The following MED24 variants were observed in gnomAD, a reference collection of about 807,000 sequenced individuals.
MED24 encodes the protein mediator complex subunit 24.
MED24 carries 74 observed loss-of-function variants against 118.8 expected under a neutral mutation model. That is an observed-to-expected ratio of 0.62 (90% CI 0.52 to 0.76). MED24 has a LOEUF of 0.76. MED24 is among the 30% of genes least tolerant of loss of function. The pLI is 0.00. For synonymous variants in MED24, 521 were observed against 523.9 expected (o/e 0.99, Z 0.08); for missense variants, 1,041 against 1,278.9 (o/e 0.81, Z 2.84).
Position 40,020,316 on chromosome 17 carries a change from C to T in MED24, c.2661G>A (p.Gln887=), listed in dbSNP as rs1270088656. The change falls in exon 24 of 26, where the codon CAG becomes CAA. Residue 887 remains glutamine, a synonymous_variant. Coordinates refer to ENST00000394128, the MANE Select transcript of MED24 (RefSeq NM_014815.4). The part of the protein sequence containing the change: ...RSMSSSLSAS[Q]LHTVNMRDPL... Reference sequence around the variant, plus strand: ...GGTCCCGCATGTTGACCGTGTGGAGCTGAGAGGCTGAGAGGGAGCTGCTCA... The same window carrying T: ...GGTCCCGCATGTTGACCGTGTGGAGTTGAGAGGCTGAGAGGGAGCTGCTCA... 3.8e-6 allele frequency: 6 copies of T among 1,592,954 alleles called. No individual in the cohort carries two copies. The highest frequency in any genetic ancestry group is 5.1e-6 in the Non-Finnish European group (6 of 1,169,886).
chr17:40,030,949 T>G lies in MED24; in HGVS notation c.1154+210A>C, dbSNP rs147176880. Among the ~76,000 whole-genome samples, 137 of 152,242 alleles carry G rather than the reference T, an allele frequency of 9.0e-4. 1 individual carries two copies. The highest frequency in any genetic ancestry group is 2.8e-3 in the African/African-American group (117 of 41,546). Reference sequence around the variant, plus strand: ...TTTACTTTTATCACAAAGATGGGTATGAGTTAAAGAGCAGTGACTAAGAGT... The same window carrying G: ...TTTACTTTTATCACAAAGATGGGTAGGAGTTAAAGAGCAGTGACTAAGAGT... On this transcript the variant is annotated intron_variant, in intron 12 of 25. Coordinates refer to ENST00000394128, the MANE Select transcript of MED24 (RefSeq NM_014815.4).
At chr17:40,032,310 G>A (rs1279012719) in intron 9 of MED24, 3 of 590,052 alleles carry the variant, frequency 5.1e-6, no homozygotes, top group Middle Eastern at 4.5e-4. Context: ...CTGCACCTCC[G>A]CTAGCTCAAC....
intron 3 of MED24, among the ~76,000 whole-genome samples, chr17:40,041,724 C>T (rs1984585261): frequency 6.6e-6 from 1 of 152,214 alleles, no homozygotes; most frequent in Non-Finnish European, 1.5e-5. Flanking sequence ...CCCTTCTCCT[C>T]TCTCACTCTG....
At chr17:40,031,797 C>T (rs1258939415) in intron 10 of MED24, among the ~76,000 whole-genome samples, 177 bp from the exon 11 acceptor site, 2 of 152,144 alleles carry the variant, frequency 1.3e-5, no homozygotes, top group South Asian at 2.1e-4. Flanking sequence ...CTGAAGCACA[C>T]GTACACGCTG....
At position 40,032,672 on chromosome 17, in the gene MED24, A is replaced by G; in HGVS notation, c.913T>C (p.Trp305Arg). 1 of 1,613,954 alleles carries G rather than the reference A, an allele frequency of 6.2e-7. No homozygotes were observed. The highest frequency in any genetic ancestry group is 1.1e-5 in the South Asian group (1 of 91,078). The part of the protein sequence containing the change: ...ESPEGTEELK[W>R]TAFTFLKIPQ... ...ACCTTGAGGAAAGTGAAAGCTGTCC[A>G]CTTGAGCTCCTCCGTACCCTCGGGA... The change falls in exon 9 of 26, where the codon TGG (tryptophan) becomes CGG (arginine). Residue 305 changes from tryptophan to arginine, a missense_variant. By Grantham distance (101) the Trp-to-Arg change is moderately radical. Coordinates refer to ENST00000394128, the MANE Select transcript of MED24 (RefSeq NM_014815.4).
Position 40,026,154 on chromosome 17 carries a change from A to C in MED24, c.1985+2T>G, listed in dbSNP as rs1037739152. On this transcript the variant is annotated splice_donor_variant, in intron 19 of 25. Coordinates refer to ENST00000394128, the MANE Select transcript of MED24 (RefSeq NM_014815.4). LOFTEE classifies it high-confidence loss of function. ...TCTGAGAAGGGAAGGCAGGTTACCG[A>C]CCTCTCATTGTAGAACTGCAGGGTG... The C allele has an allele frequency of 6.2e-7, 1 of 1,611,098 alleles. No homozygotes were observed. Among genetic ancestry groups the C allele is most frequent in the South Asian group, 1.1e-5 (1 of 90,976 alleles).
At chr17:40,024,056 T>C (rs990801077) in intron 19 of MED24, among the ~76,000 whole-genome samples, 2 of 152,068 alleles carry the variant, frequency 1.3e-5, no homozygotes, top group African/African-American at 4.8e-5. Flanking sequence ...CTTACCCAGA[T>C]AGGATTTAGG....
chr17:40,035,292 G>C lies in MED24; in HGVS notation c.384C>G (p.Leu128=). The C allele has an allele frequency of 3.7e-6, 6 of 1,612,426 alleles. No individual in the cohort carries two copies. Among genetic ancestry groups the C allele is most frequent in the Non-Finnish European group, 5.1e-6 (6 of 1,178,698 alleles). Reference sequence around the variant, plus strand: ...CTGCCGTGCAGCGCAGCAGCCAGTGGAGGGCGCTAAGAAGGGCTCGGCACA... The same window carrying C: ...CTGCCGTGCAGCGCAGCAGCCAGTGCAGGGCGCTAAGAAGGGCTCGGCACA... ...IGLCRALLSA[L]HWLLRCTAAS... The change falls in exon 6 of 26, where the codon CTC becomes CTG. Residue 128 remains leucine (L), a synonymous_variant. Coordinates refer to ENST00000394128, the MANE Select transcript of MED24 (RefSeq NM_014815.4).
At chr17:40,028,114 G>GT (rs373788946) in intron 14 of MED24, 168 bp from the exon 15 acceptor site, 20,608 of 562,730 alleles carry the variant, frequency 0.037, 60 homozygotes, top group African/African-American at 0.06. Context: ...TTTGTTTTTT[G>GT]TTTTTTTTTT....
intron 3 of MED24, 82 bp from the exon 4 acceptor site, chr17:40,036,236 T>C (rs1983916655): frequency 7.0e-7 from 1 of 1,427,776 alleles, no homozygotes; most frequent in Non-Finnish European, 9.8e-7. Context: ...TTCAAGTTGC[T>C]GCAGCTCTCC....
At position 40,019,647 on chromosome 17, in the gene MED24, T is replaced by C. The variant is rs767716295; in HGVS notation, c.2854-2A>G. 64 of 1,589,068 alleles carry C rather than the reference T, an allele frequency of 4.0e-5. No individual in the cohort carries two copies. Among genetic ancestry groups the C allele is most frequent in the Non-Finnish European group, 5.2e-5 (60 of 1,163,876 alleles). On this transcript the variant is annotated splice_acceptor_variant, in intron 25 of 25. Coordinates refer to ENST00000394128, the MANE Select transcript of MED24 (RefSeq NM_014815.4). LOFTEE classifies it high-confidence loss of function. ...TGACACCTTCACCAGTTCCGACACCTGCCACGGACAGACAGATGCTGCTTG... is the reference window on the plus strand; with the variant it reads ...TGACACCTTCACCAGTTCCGACACCCGCCACGGACAGACAGATGCTGCTTG...
intron 3 of MED24, among the ~76,000 whole-genome samples, chr17:40,051,624 C>T (rs1176380366): frequency 6.7e-6 from 1 of 149,060 alleles, no homozygotes; most frequent in Non-Finnish European, 1.5e-5. Flanking sequence ...ATCAATCAAT[C>T]AATCAATAAA....
chr17:40,053,716 G>T (rs764953024), intron 1 of MED24, 81 bp from the exon 2 acceptor site: 2 of 1,547,372 alleles, frequency 1.3e-6, no homozygotes, highest in South Asian at 2.2e-5. Flanking sequence ...TAAATAGAAA[G>T]GAGAAGATGC....
intron 3 of MED24, among the ~76,000 whole-genome samples, chr17:40,051,184 G>A (rs113440176): frequency 6.4e-4 from 97 of 151,454 alleles, no homozygotes; most frequent in African/African-American, 2.2e-3. Context: ...GGTGGTGGGC[G>A]CCTGTAATCC....
At chr17:40,051,655 G>A (rs935277966) in intron 3 of MED24, among the ~76,000 whole-genome samples, 1 of 152,022 alleles carries the variant, frequency 6.6e-6, no homozygotes, top group Non-Finnish European at 1.5e-5. Flanking sequence ...GGGCGTGGTG[G>A]CTCATGCCTG....
intron 3 of MED24, among the ~76,000 whole-genome samples, chr17:40,040,925 C>T (rs1032660255): frequency 2.0e-5 from 3 of 151,652 alleles, no homozygotes; most frequent in African/African-American, 7.3e-5. Context: ...TTTAATTTTA[C>T]TTTTTTAGTA....
chr17:40,022,309 C>T (rs1982116035), intron 22 of MED24, 85 bp downstream of exon 22: 1 of 1,401,612 alleles, frequency 7.1e-7, no homozygotes, highest in South Asian at 1.3e-5. Flanking sequence ...GCCACAACTG[C>T]TTCCCTTTGC....
chr17:40,048,067 T>C (rs12601251), intron 3 of MED24, among the ~76,000 whole-genome samples: 3,431 of 152,386 alleles, frequency 0.023, 302 homozygotes, highest in Admixed American at 0.16. Context: ...AATTAAAATA[T>C]GTATATTTTT....
chr17:40,026,076 G>C (rs1982611793), intron 19 of MED24, 80 bp downstream of exon 19: 1 of 1,451,550 alleles, frequency 6.9e-7, no homozygotes, highest in Non-Finnish European at 9.5e-7. Context: ...GGTCAGAAAA[G>C]AGAGGGGTGC....
Sources: allele counts gnomAD v4.1 joint callset (sites outside exome capture counted in the v4.1 genomes callset), GRCh38; gene constraint gnomAD v4.1.1; transcripts MANE v1.5; gene names NCBI Gene and HGNC (gene_info 2026-07-23, HGNC 2026-07-21).